The following CACUL1 variants were observed in gnomAD, a reference collection of about 807,000 sequenced individuals.
CACUL1 encodes CDK2-associated and cullin domain-containing protein 1.
Under a neutral mutation model 45.2 loss-of-function variants are expected in CACUL1, and 13 were observed. The observed-to-expected ratio is 0.29, with a 90% CI of 0.19 to 0.46. CACUL1 has a LOEUF of 0.46. Among genes scored for constraint, CACUL1 ranks in the 20% least tolerant of loss-of-function variants. The pLI is 1.00. For synonymous variants in CACUL1, 197 were observed against 174.2 expected (o/e 1.13, Z -1.03); for missense variants, 421 against 471.4 (o/e 0.89, Z 0.99).
Position 118,681,485 on chromosome 10 carries a change from C to T in CACUL1, c.*4643G>A, listed in dbSNP as rs1845152495. 1 of 152,156 alleles carries T rather than the reference C, an allele frequency of 6.6e-6. No homozygotes were observed. Among genetic ancestry groups the T allele is most frequent in the Non-Finnish European group, 1.5e-5 (1 of 68,034 alleles). The allele number at this position is 152,156 out of a possible 1,614,324, so 9.4% of individuals were successfully genotyped here. A position where few individuals can be genotyped will look rare whatever the true frequency, so the allele number is the denominator to read the frequency against. ...AGTCTTAGTGCATTTAGTACATAGT[C>T]ACAACATTGAAATGACGTGAGAATC... On this transcript the variant is annotated 3_prime_UTR_variant, in exon 9 of 9. Coordinates refer to ENST00000369151, the MANE Select transcript of CACUL1 (RefSeq NM_153810.5).
At chr10:118,747,501 C>T (rs7069242) in intron 1 of CACUL1, among the ~76,000 whole-genome samples, 8 of 130,836 alleles carry the variant, frequency 6.1e-5, no homozygotes, top group Non-Finnish European at 7.8e-5. Context: ...AATGATCAAC[C>T]TAATGACCAA....
rs1216639875 is a variant in CACUL1 at position 118,695,296 on chromosome 10, G to C, written c.797-66C>G. ...TGACTGTCAAGATTTCTCTATTACT[G>C]TTTCTCCCAAAGACTCCTGAAACAT... On this transcript the variant is annotated intron_variant, in intron 5 of 8. Transcript: ENST00000369151. 3 of 904,298 alleles carry C rather than the reference G, an allele frequency of 3.3e-6. No homozygotes were observed. In the African/African-American group the frequency reaches 4.9e-5, roughly 15 times the overall value. 56.0% of individuals were successfully genotyped at this position (904,298 alleles called of 1,614,324 possible).
chr10:118,695,539 T>C (rs1436726999), intron 5 of CACUL1, among the ~76,000 whole-genome samples: 3 of 152,184 alleles, frequency 2.0e-5, no homozygotes, highest in African/African-American at 7.2e-5. Context: ...GAGTTGAAAG[T>C]GCTTCCATTA....
chr10:118,686,483 G>T, intron 8 of CACUL1, 115 bp downstream of exon 8: 1 of 856,068 alleles, frequency 1.2e-6, no homozygotes, highest in Non-Finnish European at 2.0e-6. Flanking sequence ...TACAAGCAGT[G>T]CCTTATGAGA....
rs2119695384 is a variant in CACUL1 at position 118,754,459 on chromosome 10, T to TGGCCACGGCGGC, written c.292_303dup (p.Ala98_Ala101dup). The stretch of plus-strand genomic sequence containing the variant: ...CTGGCGGTGGGGGCGGGGGCCGCCT[T>TGGCCACGGCGGC]GGCCACGGCGGCGGCCGCGTCGCAG... On this transcript the variant is annotated inframe_insertion, in exon 1 of 9. Transcript: ENST00000369151. 2 of 1,602,024 alleles carry TGGCCACGGCGGC rather than the reference T, an allele frequency of 1.2e-6. No homozygotes were observed. Among genetic ancestry groups the TGGCCACGGCGGC allele is most frequent in the East Asian group, 2.3e-5 (1 of 44,062 alleles).
chr10:118,734,380 T>C (rs1845722925), intron 1 of CACUL1, among the ~76,000 whole-genome samples: 1 of 152,218 alleles, frequency 6.6e-6, no homozygotes, highest in Non-Finnish European at 1.5e-5. Flanking sequence ...TTTTACTTTT[T>C]AGATAATTAA....
chr10:118,753,568 C>T (rs1171364390), intron 1 of CACUL1, among the ~76,000 whole-genome samples: 3 of 152,216 alleles, frequency 2.0e-5, no homozygotes, highest in Non-Finnish European at 4.4e-5. Flanking sequence ...ACATTCTTTT[C>T]CTAGCTATGG....
intron 4 of CACUL1, among the ~76,000 whole-genome samples, chr10:118,705,128 A>G (rs889964846): frequency 1.3e-5 from 2 of 152,158 alleles, no homozygotes; most frequent in African/African-American, 2.4e-5. Context: ...ATTTTTTTTT[A>G]CATAAATTTT....
At chr10:118,709,630 CTTGCTTTCAAA>C (rs1845465658) in intron 3 of CACUL1, among the ~76,000 whole-genome samples, 1 of 152,166 alleles carries the variant, frequency 6.6e-6, no homozygotes, top group South Asian at 2.1e-4. Context: ...CACATAAAGT[CTTGCTTTCAAA>C]TAAGGATATT....
At position 118,685,635 on chromosome 10, in the gene CACUL1, T is replaced by C. The variant is rs1335580977; in HGVS notation, c.*493A>G. Reference sequence around the variant, plus strand: ...TCTAATGCTAAACAAAGACCAACTCTTTTAAAAGGGGTTGTTTTGGTTGTG... The same window carrying C: ...TCTAATGCTAAACAAAGACCAACTCCTTTAAAAGGGGTTGTTTTGGTTGTG... On this transcript the variant is annotated 3_prime_UTR_variant, in exon 9 of 9. Coordinates refer to ENST00000369151, the MANE Select transcript of CACUL1 (RefSeq NM_153810.5). The C allele has an allele frequency of 6.5e-6, 1 of 152,686 alleles. No individual in the cohort carries two copies. Among genetic ancestry groups the C allele is most frequent in the East Asian group, 1.9e-4 (1 of 5,202 alleles). 9.5% of individuals were successfully genotyped at this position (152,686 alleles called of 1,614,324 possible).
rs1347207092 is a variant in CACUL1, at chr10:118,683,796, A to G, written c.*2332T>C. ...AATCTTATTTCCTCTCATACTGCAA[A>G]CTCACTCAGAATTTTTTAGAATCCC... On this transcript the variant is annotated 3_prime_UTR_variant, in exon 9 of 9. Transcript: ENST00000369151. The G allele has an allele frequency of 6.6e-6, 1 of 152,152 alleles. No homozygotes were observed. Among genetic ancestry groups the G allele is most frequent in the Non-Finnish European group, 1.5e-5 (1 of 68,028 alleles). 9.4% of individuals were successfully genotyped at this position (152,152 alleles called of 1,614,324 possible). A position where few individuals can be genotyped will look rare whatever the true frequency, so the allele number is the denominator to read the frequency against.
intron 3 of CACUL1, among the ~76,000 whole-genome samples, chr10:118,714,078 G>A (rs1353202081): frequency 1.3e-5 from 2 of 152,156 alleles, no homozygotes; most frequent in Non-Finnish European, 2.9e-5. Context: ...TAAGAGGAGT[G>A]TCACTGTTTT....
intron 3 of CACUL1, among the ~76,000 whole-genome samples, chr10:118,719,178 T>A (rs1369764555): frequency 2.0e-5 from 3 of 152,212 alleles, no homozygotes; most frequent in African/African-American, 7.2e-5. Context: ...AAGAGTCAAA[T>A]GGAAATGTTA....
At chr10:118,713,140 G>A (rs573281730) in intron 3 of CACUL1, among the ~76,000 whole-genome samples, 2 of 152,326 alleles carry the variant, frequency 1.3e-5, no homozygotes, top group African/African-American at 4.8e-5. Flanking sequence ...CGAGGCAGCA[G>A]AGGGCTAGTG....
In CACUL1 at chr10:118,748,920, G is replaced by A. The variant is rs574435462; in HGVS notation, c.367+5476C>T. ...AGAAGAGGTGTGGAGGAAGAAAATG[G>A]ACACAGGAAAAAGAGGAAAGGAAAA... is the stretch of plus-strand genomic sequence containing the variant. On this transcript the variant is annotated intron_variant, in intron 1 of 8. Coordinates refer to ENST00000369151, the MANE Select transcript of CACUL1 (RefSeq NM_153810.5). 1.3e-4 allele frequency among the ~76,000 whole-genome samples: 20 copies of A among 152,224 alleles called. No individual in the cohort carries two copies. In the South Asian group the frequency reaches 3.9e-3, roughly 30 times the overall value.
At chr10:118,704,090 A>G (rs1015729159) in intron 4 of CACUL1, among the ~76,000 whole-genome samples, 1 of 152,114 alleles carries the variant, frequency 6.6e-6, no homozygotes, top group Non-Finnish European at 1.5e-5. Context: ...TTAAAAAAAA[A>G]GAATAAGGTA....
intron 1 of CACUL1, among the ~76,000 whole-genome samples, chr10:118,746,529 C>A (rs936257529): frequency 1.3e-5 from 2 of 152,094 alleles, no homozygotes; most frequent in African/African-American, 4.8e-5. Context: ...CAGATAAAAT[C>A]TTGACTTTGG....
chr10:118,711,245 A>G (rs1313303554), intron 3 of CACUL1, among the ~76,000 whole-genome samples: 2 of 152,096 alleles, frequency 1.3e-5, no homozygotes, highest in Non-Finnish European at 1.5e-5. Context: ...ACACCCAGCT[A>G]ATTTTTGTAT....
intron 6 of CACUL1, 61 bp from the exon 7 acceptor site, chr10:118,691,464 A>T (rs1397285058): frequency 6.8e-7 from 1 of 1,468,064 alleles, no homozygotes; most frequent in Non-Finnish European, 9.3e-7. Flanking sequence ...TTAAATGGAA[A>T]AGGGAAAGTT....
Sources: allele counts gnomAD v4.1 joint callset (sites outside exome capture counted in the v4.1 genomes callset), GRCh38; gene constraint gnomAD v4.1.1; transcripts MANE v1.5; gene names NCBI Gene and HGNC (gene_info 2026-07-23, HGNC 2026-07-21).